The following SAE1 variants were observed in gnomAD, a reference collection of about 807,000 sequenced individuals.
The protein encoded by SAE1 is SUMO-activating enzyme subunit 1.
A neutral mutation model predicts 40.6 loss-of-function variants in SAE1; 11 were observed. The ratio of observed to expected loss-of-function variants is 0.27; its 90% confidence interval spans 0.17 to 0.45. SAE1 has a LOEUF of 0.45. Ranked by LOEUF, SAE1 falls within the 20% of genes least tolerant of loss-of-function variation. SAE1 has a pLI of 1.00. For synonymous variants in SAE1, 155 were observed against 154.3 expected (o/e 1.00, Z -0.03); for missense variants, 373 against 427.3 (o/e 0.87, Z 1.12).
intron 6 of SAE1, among the ~76,000 whole-genome samples, chr19:47,170,977 C>A (rs2058427462): frequency 6.6e-6 from 1 of 151,880 alleles, no homozygotes; most frequent in Admixed American, 6.6e-5. Context: ...GTACCTGGCA[C>A]TTTTTTGTTT....
At chr19:47,202,564 G>A (rs2058661425) in intron 7 of SAE1, among the ~76,000 whole-genome samples, 2 of 151,866 alleles carry the variant, frequency 1.3e-5, no homozygotes, top group African/African-American at 4.8e-5. Context: ...GGGATTACAG[G>A]CATCAGCCAC....
At chr19:47,132,265 T>C (rs2058149382) in intron 1 of SAE1, among the ~76,000 whole-genome samples, 1 of 142,262 alleles carries the variant, frequency 7.0e-6, no homozygotes. Flanking sequence ...GCCCAGCTTG[T>C]TTTTTTTTTT....
At chr19:47,142,086 A>G (rs887300970) in intron 1 of SAE1, among the ~76,000 whole-genome samples, 4 of 152,144 alleles carry the variant, frequency 2.6e-5, no homozygotes, top group Admixed American at 2.6e-4. Context: ...TTACAGATTT[A>G]AAAAGCTAAA....
At chr19:47,132,426 T>TG (rs1246267566) in intron 1 of SAE1, among the ~76,000 whole-genome samples, 1 of 146,938 alleles carries the variant, frequency 6.8e-6, no homozygotes, top group African/African-American at 2.5e-5. Flanking sequence ...TAATTTTTGT[T>TG]TTTTTTTTTT....
At chr19:47,149,766 A>G (rs2058276192) in intron 2 of SAE1, among the ~76,000 whole-genome samples, 2 of 152,200 alleles carry the variant, frequency 1.3e-5, no homozygotes, top group South Asian at 4.1e-4. Flanking sequence ...GCATAAGGCA[A>G]ATTGCTACAG....
intron 5 of SAE1, among the ~76,000 whole-genome samples, chr19:47,155,565 A>G (rs983841853): frequency 1.3e-5 from 2 of 151,878 alleles, no homozygotes; most frequent in South Asian, 2.1e-4. Context: ...GGTTCAAGCA[A>G]TTCTCCTGCC....
At position 47,155,123 on chromosome 19, in the gene SAE1, T is replaced by A; in HGVS notation, c.537T>A (p.Thr179=). Residue 179 remains threonine (T), a synonymous_variant, in exon 5 of 9, where the codon ACT becomes ACA. Coordinates refer to ENST00000270225, the MANE Select transcript of SAE1 (RefSeq NM_005500.3). Reference sequence around the variant, plus strand: ...CCTTGTCACCCTCTAGGGAGAAAACTAAAGTTGCCAAAGTTAGCCAAGGAG... The same window carrying A: ...CCTTGTCACCCTCTAGGGAGAAAACAAAAGTTGCCAAAGTTAGCCAAGGAG... ...LGEHEFVEEK[T]KVAKVSQGVE... 6.2e-7 allele frequency: 1 copy of A among 1,610,542 alleles called. No individual in the cohort carries two copies. Among genetic ancestry groups the A allele is most frequent in the Non-Finnish European group, 8.5e-7 (1 of 1,177,056 alleles).
Position 47,166,319 on chromosome 19 carries a change from AACTCC to A in SAE1, c.628-3498_628-3494del, listed in dbSNP as rs759939395. On this transcript the variant is annotated intron_variant, in intron 5 of 8. Coordinates refer to ENST00000270225, the MANE Select transcript of SAE1 (RefSeq NM_005500.3). ...CCCGATGTGCCTTAATCTGGCACAG[AACTCC>A]TAAGGAGTGTGAAAATTTCAAATTT... Among the ~76,000 whole-genome samples, 3 of 152,320 alleles carry A rather than the reference AACTCC, an allele frequency of 2.0e-5. No homozygotes were observed. In the East Asian group the frequency reaches 5.8e-4, roughly 29 times the overall value.
chr19:47,175,873 A>T (rs2058465922), intron 6 of SAE1, among the ~76,000 whole-genome samples: 2 of 152,236 alleles, frequency 1.3e-5, no homozygotes, highest in Admixed American at 6.5e-5. Context: ...CACAAAGATT[A>T]TCTGAATTCA....
chr19:47,199,612 T>G (rs1199134933), intron 7 of SAE1, among the ~76,000 whole-genome samples: 1 of 152,068 alleles, frequency 6.6e-6, no homozygotes, highest in Non-Finnish European at 1.5e-5. Context: ...GTTCATCACT[T>G]TGAATGCCCA....
Position 47,203,695 on chromosome 19 carries a change from A to G in SAE1, c.903A>G (p.Pro301=). 2 of 1,613,948 alleles carry G rather than the reference A, an allele frequency of 1.2e-6. No individual in the cohort carries two copies. The highest frequency in any genetic ancestry group is 1.7e-6 in the Non-Finnish European group (2 of 1,179,936). ...GGTACTGCTTCTCCGAGATGGCCCCAGTGTGTGCGGTGGTTGGAGGGATTT... is the reference window on the plus strand; with the variant it reads ...GGTACTGCTTCTCCGAGATGGCCCCGGTGTGTGCGGTGGTTGGAGGGATTT... ...FVRYCFSEMA[P]VCAVVGGILA... is the part of the protein sequence containing the mutation. Residue 301 remains proline (P), a synonymous_variant, in exon 8 of 9, where the codon CCA becomes CCG. Coordinates refer to ENST00000270225, the MANE Select transcript of SAE1 (RefSeq NM_005500.3).
chr19:47,209,478 C>A lies in SAE1; in HGVS notation c.*227C>A. On this transcript the variant is annotated 3_prime_UTR_variant, in exon 9 of 9. Transcript: ENST00000270225. ...TGTCTTTGTTCCAGCACTGTTCAGG[C>A]TGCCTGTCATCCCGGGCCTGCCAGC... 1 of 681,320 alleles carries A rather than the reference C, an allele frequency of 1.5e-6. No homozygotes were observed. The highest frequency in any genetic ancestry group is 2.4e-6 in the Non-Finnish European group (1 of 412,646). The allele number at this position is 681,320 out of a possible 1,614,324, so 42.2% of individuals were successfully genotyped here.
intron 1 of SAE1, among the ~76,000 whole-genome samples, chr19:47,139,265 A>G (rs761782580): frequency 6.6e-6 from 1 of 152,166 alleles, no homozygotes; most frequent in Non-Finnish European, 1.5e-5. Context: ...GATGGTCTCC[A>G]TCTCCTGAAC....
rs57568797 is a variant in SAE1 at position 47,201,360 on chromosome 19, C to CTTTTTTTTTTTTTTTTTTT, written c.879-2300_879-2282dup. 1.2e-4 allele frequency among the ~76,000 whole-genome samples: 8 copies of CTTTTTTTTTTTTTTTTTTT among 66,228 alleles called. 3 individuals are homozygous for CTTTTTTTTTTTTTTTTTTT. The highest frequency in any genetic ancestry group is 4.6e-4 in the African/African-American group (7 of 15,058). The allele number at this position is 66,228 out of a possible 152,430, so 43.4% of individuals were successfully genotyped here. A position where few individuals can be genotyped will look rare whatever the true frequency, so the allele number is the denominator to read the frequency against. On this transcript the variant is annotated intron_variant, in intron 7 of 8. Transcript: ENST00000270225. ...CTGCACCTGGCCTGTTATCTGGTTC[C>CTTTTTTTTTTTTTTTTTTT]TTTTTTTTTTTTTTTTTTTTTTTTT...
At chr19:47,149,280 C>T (rs1295547230) in intron 2 of SAE1, among the ~76,000 whole-genome samples, 1 of 150,460 alleles carries the variant, frequency 6.6e-6, no homozygotes. Context: ...AAGTGATTCT[C>T]CTGCCTCAGC....
intron 6 of SAE1, among the ~76,000 whole-genome samples, chr19:47,182,804 G>A (rs771609964): frequency 8.1e-4 from 124 of 152,258 alleles, no homozygotes; most frequent in Non-Finnish European, 1.3e-3. Context: ...GGTTACAGGC[G>A]GGGTGTGGTG....
chr19:47,194,508 C>G (rs942255384), intron 6 of SAE1, among the ~76,000 whole-genome samples: 2 of 152,214 alleles, frequency 1.3e-5, no homozygotes, highest in African/African-American at 4.8e-5. Context: ...AAAGCCCCCT[C>G]TCCAGGTGTA....
chr19:47,202,269 G>A (rs1221606711), intron 7 of SAE1, among the ~76,000 whole-genome samples: 1 of 151,752 alleles, frequency 6.6e-6, no homozygotes, highest in Non-Finnish European at 1.5e-5. Context: ...ATAATATTTG[G>A]GTTTAAAATT....
At chr19:47,140,062 C>T (rs1353432306) in intron 1 of SAE1, among the ~76,000 whole-genome samples, 6 of 150,838 alleles carry the variant, frequency 4.0e-5, no homozygotes, top group Non-Finnish European at 7.4e-5. Context: ...CTCAGCTTCC[C>T]GAGTAGCTGA....
Sources: gnomAD v4.1 joint callset for allele counts (sites outside exome capture counted in the v4.1 genomes callset) on GRCh38, gnomAD v4.1.1 for gene constraint, MANE v1.5 for transcripts, NCBI Gene and HGNC (gene_info 2026-07-23, HGNC 2026-07-21) for gene names.